Variants in CTNND2 observed in about 807,000 individuals in gnomAD.
CTNND2 encodes the protein catenin delta 2.
Under a neutral mutation model 144.4 loss-of-function variants are expected in CTNND2, and 22 were observed. The observed-to-expected ratio is 0.15, with a 90% confidence interval of 0.11 to 0.22. The LOEUF (loss-of-function observed/expected upper bound fraction) is 0.22, where lower values mean the gene tolerates loss of function less well. Ranked by LOEUF, CTNND2 falls within the 10% of genes least tolerant of loss-of-function variation. CTNND2 has a pLI of 1.00. For missense variants in CTNND2, 1,353 were observed against 1,618.8 expected, an observed-to-expected ratio of 0.84 and a Z score of 2.82; for synonymous variants, 751 against 695.6, an observed-to-expected ratio of 1.08 and a Z score of -1.25.
At chr5:11,588,916 A>G (rs1779050759) in intron 2 of CTNND2, 1 of 985,310 alleles carries the variant, frequency 1.0e-6, no homozygotes, top group Non-Finnish European at 1.2e-6. Context: ...GCTAAAAGGA[A>G]CCACAGAGCA....
At chr5:11,100,591 T>A (rs575987964) in intron 14 of CTNND2, among the ~76,000 whole-genome samples, 1 of 152,318 alleles carries the variant, frequency 6.6e-6, no homozygotes, top group Admixed American at 6.5e-5. Context: ...AATATTGGCC[T>A]CTCAAAGGAG....
chr5:11,647,533 C>T (rs1782420810), intron 2 of CTNND2, among the ~76,000 whole-genome samples: 1 of 151,752 alleles, frequency 6.6e-6, no homozygotes, highest in Non-Finnish European at 1.5e-5. Context: ...CCCCGCAAGC[C>T]CCTTCTATCT....
intron 15 of CTNND2, among the ~76,000 whole-genome samples, chr5:11,093,579 T>C (rs1751008978): frequency 6.6e-6 from 1 of 152,156 alleles, no homozygotes; most frequent in South Asian, 2.1e-4. Flanking sequence ...GTGTGCATGA[T>C]CTTCCTATAA....
At chr5:11,730,409 A>G (rs1473770453) in intron 2 of CTNND2, among the ~76,000 whole-genome samples, 2 of 152,164 alleles carry the variant, frequency 1.3e-5, no homozygotes, top group Admixed American at 6.5e-5. Context: ...CTTCTTTGTA[A>G]TGAATTGAAA....
At position 11,288,640 on chromosome 5, in the gene CTNND2, A is replaced by G. The variant is rs552974503; in HGVS notation, c.1629-51817T>C. 2.0e-5 allele frequency among the ~76,000 whole-genome samples: 3 copies of G among 152,258 alleles called. No homozygotes were observed. The South Asian group carries it at 6.2e-4, about 32-fold the overall frequency. On this transcript the variant is annotated intron_variant, in intron 9 of 21. Transcript: ENST00000304623. ...TTCAAGGTACCACAGAGGTAAACCAATGGATTCTCATTATGGAAATGCAGC... is the reference window on the plus strand; with the variant it reads ...TTCAAGGTACCACAGAGGTAAACCAGTGGATTCTCATTATGGAAATGCAGC...
chr5:11,162,063 T>C lies in CTNND2; in HGVS notation c.1976-2304A>G, dbSNP rs571902689. Among the ~76,000 whole-genome samples, 5 of 149,570 alleles carry C rather than the reference T, an allele frequency of 3.3e-5. No homozygotes were observed. In the South Asian group the frequency reaches 8.7e-4, roughly 26 times the overall value. The stretch of plus-strand genomic sequence containing the variant: ...TACTTGGGAGTCTGGGGCAGGAGAA[T>C]TGCTTGAACCTGGGAGTGGGGGGGG... On this transcript the variant is annotated intron_variant, in intron 11 of 21. Coordinates refer to ENST00000304623, the MANE Select transcript of CTNND2 (RefSeq NM_001332.4).
chr5:11,872,407 G>C (rs1002804043), intron 1 of CTNND2, among the ~76,000 whole-genome samples: 2 of 152,132 alleles, frequency 1.3e-5, no homozygotes, highest in African/African-American at 2.4e-5. Context: ...CCAGTAATGG[G>C]ATGGCTGCAT....
intron 2 of CTNND2, among the ~76,000 whole-genome samples, chr5:11,720,207 T>A (rs1465050340): frequency 6.6e-6 from 1 of 152,146 alleles, no homozygotes; most frequent in East Asian, 1.9e-4. Flanking sequence ...GAGACCATTT[T>A]TTCCATTAAA....
chr5:11,533,313 C>A (rs895532864), intron 3 of CTNND2, among the ~76,000 whole-genome samples: 1 of 152,222 alleles, frequency 6.6e-6, no homozygotes, highest in African/African-American at 2.4e-5. Context: ...TTCAACAGCC[C>A]TTTAATGTAA....
chr5:11,408,794 C>T (rs1761290489), intron 5 of CTNND2, among the ~76,000 whole-genome samples: 2 of 152,026 alleles, frequency 1.3e-5, no homozygotes, highest in Non-Finnish European at 2.9e-5. Context: ...AAATTTCTTT[C>T]CATTTTCCTT....
chr5:11,384,700 G>A lies in CTNND2; in HGVS notation c.1142C>T (p.Ala381Val). The A allele has an allele frequency of 6.2e-7, 1 of 1,608,686 alleles. No individual in the cohort carries two copies. The change falls in exon 7 of 22, where the codon GCC becomes GTC. Residue 381 changes from alanine to valine, a missense_variant. Coordinates refer to ENST00000304623, the MANE Select transcript of CTNND2 (RefSeq NM_001332.4). The surrounding 1 kb of genome is among the most constrained non-coding windows in gnomAD (Gnocchi z 5.2). ...QYSKHSQELYATATLQRPGSL... is the reference protein window; with the variant it reads ...QYSKHSQELYVTATLQRPGSL... ...GCCCGGCCTCTGGAGGGTGGCCGTG[G>A]CATACAGCTCCTGCGAGTGCTTGCT...
chr5:11,733,257 C>G (rs1483170301), intron 1 of CTNND2, among the ~76,000 whole-genome samples: 3 of 152,126 alleles, frequency 2.0e-5, no homozygotes, highest in African/African-American at 4.8e-5. Context: ...GGGGATGAGA[C>G]AGTTTTGGGG....
At chr5:11,786,785 A>G (rs1040530069) in intron 1 of CTNND2, among the ~76,000 whole-genome samples, 2 of 152,202 alleles carry the variant, frequency 1.3e-5, no homozygotes, top group African/African-American at 2.4e-5. Flanking sequence ...AAGTTCTCAC[A>G]CTGTGCTAAC....
chr5:11,200,244 T>G (rs1285951213), intron 10 of CTNND2, among the ~76,000 whole-genome samples: 1 of 152,206 alleles, frequency 6.6e-6, no homozygotes, highest in Admixed American at 6.5e-5. Flanking sequence ...ATGCTTAATT[T>G]AGGTATTTGA....
At position 11,749,403 on chromosome 5, in the gene CTNND2, T is replaced by C. The variant is rs73045130; in HGVS notation, c.38-17131A>G. On this transcript the variant is annotated intron_variant, in intron 1 of 21. Coordinates refer to ENST00000304623, the MANE Select transcript of CTNND2 (RefSeq NM_001332.4). ...TGCTGAGGTTTCAGTGATTTCATTA[T>C]AGTCTTTTTTTGACACCAGCACATG... 3.5e-3 allele frequency among the ~76,000 whole-genome samples: 535 copies of C among 152,146 alleles called. 6 individuals carry two copies. The highest frequency in any genetic ancestry group is 0.013 in the African/African-American group (520 of 41,536).
intron 10 of CTNND2, among the ~76,000 whole-genome samples, chr5:11,211,032 C>T (rs1468149902): frequency 6.6e-6 from 1 of 152,170 alleles, no homozygotes; most frequent in African/African-American, 2.4e-5. Context: ...TAATCTTCTG[C>T]TTAAAGAAGA....
intron 3 of CTNND2, among the ~76,000 whole-genome samples, chr5:11,472,097 T>C (rs767921651): frequency 2.6e-4 from 39 of 152,238 alleles, no homozygotes; most frequent in Non-Finnish European, 4.3e-4. Context: ...AGTGGTGTCA[T>C]CGTGTGAGCC....
intron 2 of CTNND2, among the ~76,000 whole-genome samples, chr5:11,572,034 T>C (rs1777602557): frequency 6.6e-6 from 1 of 152,152 alleles, no homozygotes; most frequent in African/African-American, 2.4e-5. Flanking sequence ...CTTACTGCCA[T>C]TTTGGCAAGG....
chr5:11,521,672 T>C (rs931098278), intron 3 of CTNND2, among the ~76,000 whole-genome samples: 10 of 152,358 alleles, frequency 6.6e-5, no homozygotes, highest in Middle Eastern at 3.4e-3. Context: ...AGTAAATGTA[T>C]ATTAAGTGTT....
Sources: allele counts gnomAD v4.1 joint callset (sites outside exome capture counted in the v4.1 genomes callset), GRCh38; gene constraint gnomAD v4.1.1; non-coding constraint Gnocchi (gnomAD v3.1); transcripts MANE v1.5; gene names NCBI Gene and HGNC (gene_info 2026-07-23, HGNC 2026-07-21).